The following SUCLG2 variants were observed in gnomAD, a reference collection of about 807,000 sequenced individuals.
SUCLG2 encodes succinate--CoA ligase [GDP-forming] subunit beta, mitochondrial.
SUCLG2 carries 42 observed loss-of-function variants against 47.9 expected under a neutral mutation model. The ratio of observed to expected loss-of-function variants is 0.88; its 90% CI spans 0.69 to 1.14. The LOEUF is 1.14. Among genes scored for constraint, SUCLG2 ranks in the 50% most tolerant of loss-of-function variants. SUCLG2 has a pLI of 0.00. For synonymous variants in SUCLG2, 195 were observed against 197.3 expected (o/e 0.99, Z 0.10); for missense variants, 571 against 525.9 (o/e 1.09, Z -0.84).
chr3:67,596,105 G>A (rs1708287097), intron 2 of SUCLG2, among the ~76,000 whole-genome samples: 1 of 152,204 alleles, frequency 6.6e-6, no homozygotes, highest in African/African-American at 2.4e-5. Flanking sequence ...AACTCTGGGT[G>A]GGTACCCACA....
chr3:67,384,792 ACT>A (rs1416600674), intron 10 of SUCLG2, among the ~76,000 whole-genome samples: 10 of 152,196 alleles, frequency 6.6e-5, no homozygotes, highest in African/African-American at 2.2e-4. Context: ...AGATCATAGA[ACT>A]CTTTTTCCAC....
At chr3:67,653,576 T>C (rs1315854741) in intron 1 of SUCLG2, among the ~76,000 whole-genome samples, 1 of 152,236 alleles carries the variant, frequency 6.6e-6, no homozygotes, top group Non-Finnish European at 1.5e-5. Context: ...GTATGAGTGA[T>C]AATTTGCCTC....
At position 67,475,719 on chromosome 3, in the gene SUCLG2, CTTTT is replaced by C. The variant is rs59129055; in HGVS notation, c.1062+20075_1062+20078del. ...CCCATAATTGATTTTCCTTCCCCTC[CTTTT>C]TTTTTTTTGAGAGCGAGATGGAGTT... On this transcript the variant is annotated intron_variant, in intron 9 of 10. Transcript: ENST00000307227. Among the ~76,000 whole-genome samples the C allele has an allele frequency of 1.9e-3, 283 of 146,824 alleles. 2 individuals carry two copies. Among genetic ancestry groups the C allele is most frequent in the African/African-American group, 6.7e-3 (271 of 40,380 alleles).
At chr3:67,400,657 G>A in intron 10 of SUCLG2, 74 bp downstream of exon 10, 3 of 1,573,442 alleles carry the variant, frequency 1.9e-6, no homozygotes, top group Non-Finnish European at 2.6e-6. Flanking sequence ...CAGGAAGTTT[G>A]TGAATCCAGA....
chr3:67,427,954 G>A (rs917305471), intron 9 of SUCLG2, among the ~76,000 whole-genome samples: 1 of 152,200 alleles, frequency 6.6e-6, no homozygotes, highest in South Asian at 2.1e-4. Context: ...GTAGGTAAAC[G>A]AAGCAGCCAG....
chr3:67,644,044 GA>G (rs1701149175), intron 1 of SUCLG2, among the ~76,000 whole-genome samples: 1 of 152,172 alleles, frequency 6.6e-6, no homozygotes. Flanking sequence ...ATATACAACA[GA>G]AACATTATCA....
intron 9 of SUCLG2, among the ~76,000 whole-genome samples, chr3:67,483,061 T>C (rs946224122): frequency 2.6e-5 from 4 of 152,132 alleles, no homozygotes; most frequent in Admixed American, 6.5e-5. Context: ...ATATGTGTGT[T>C]TGCAGTGCTC....
chr3:67,630,168 G>GA (rs35895962), intron 1 of SUCLG2, among the ~76,000 whole-genome samples: 28 of 149,846 alleles, frequency 1.9e-4, no homozygotes, highest in African/African-American at 2.2e-4. Context: ...AAGCAAATGT[G>GA]AAAAAAAAAA....
chr3:67,581,208 C>T lies in SUCLG2; in HGVS notation c.226+28247G>A, dbSNP rs150021009. 3.4e-3 allele frequency among the ~76,000 whole-genome samples: 519 copies of T among 152,226 alleles called. 1 individual carries two copies. Among genetic ancestry groups the T allele is most frequent in the African/African-American group, 0.012 (497 of 41,518 alleles). ...TGGTTAGCACTTTCTTTAGTCATTC[C>T]CATGGTGGTCTTTTTCTCAAGAGTA... On this transcript the variant is annotated intron_variant, in intron 2 of 10. Coordinates refer to ENST00000307227, the MANE Select transcript of SUCLG2 (RefSeq NM_003848.4).
chr3:67,449,426 C>A (rs1455819777), intron 9 of SUCLG2, among the ~76,000 whole-genome samples: 1 of 152,142 alleles, frequency 6.6e-6, no homozygotes, highest in African/African-American at 2.4e-5. Flanking sequence ...ATTCATTCTG[C>A]AGTCATACAA....
At chr3:67,637,438 T>C (rs1701028694) in intron 1 of SUCLG2, among the ~76,000 whole-genome samples, 2 of 152,178 alleles carry the variant, frequency 1.3e-5, no homozygotes, top group Non-Finnish European at 2.9e-5. Flanking sequence ...GAAAGTACAG[T>C]CTGTCTCAGG....
chr3:67,525,990 G>T (rs1418931856), intron 4 of SUCLG2, among the ~76,000 whole-genome samples: 2 of 152,184 alleles, frequency 1.3e-5, no homozygotes, highest in African/African-American at 4.8e-5. Context: ...TCATGCTGCT[G>T]TTACAAAATA....
At chr3:67,605,872 C>T (rs1318050133) in intron 2 of SUCLG2, among the ~76,000 whole-genome samples, 1 of 152,022 alleles carries the variant, frequency 6.6e-6, no homozygotes, top group African/African-American at 2.4e-5. Flanking sequence ...CCCAGCCCAA[C>T]ACGTCAATGC....
At chr3:67,362,406 C>A (rs1255925596) in intron 10 of SUCLG2, among the ~76,000 whole-genome samples, 7 of 152,184 alleles carry the variant, frequency 4.6e-5, no homozygotes, top group Admixed American at 6.5e-5. Flanking sequence ...TCCTTCCAAT[C>A]CAGAGTAAGT....
intron 3 of SUCLG2, 95 bp from the exon 4 acceptor site, chr3:67,528,317 G>T: frequency 9.0e-7 from 1 of 1,111,118 alleles, no homozygotes; most frequent in Non-Finnish European, 1.3e-6. Flanking sequence ...CACTGCAAAG[G>T]GTTCACCTTC....
At chr3:67,505,995 A>G (rs1369632259) in intron 7 of SUCLG2, among the ~76,000 whole-genome samples, 2 of 151,782 alleles carry the variant, frequency 1.3e-5, no homozygotes, top group Non-Finnish European at 2.9e-5. Context: ...AGAAAAAGAA[A>G]CAACAACAAC....
At chr3:67,615,758 G>C (rs1263152926) in intron 1 of SUCLG2, among the ~76,000 whole-genome samples, 3 of 152,062 alleles carry the variant, frequency 2.0e-5, no homozygotes, top group Non-Finnish European at 2.9e-5. Flanking sequence ...ATTTGACAGT[G>C]TTTATGAAAA....
chr3:67,471,863 T>C (rs1704614144), intron 9 of SUCLG2, among the ~76,000 whole-genome samples: 1 of 152,156 alleles, frequency 6.6e-6, no homozygotes, highest in Admixed American at 6.5e-5. Context: ...CTCATCCTTG[T>C]AGTAGTTTCG....
intron 4 of SUCLG2, among the ~76,000 whole-genome samples, chr3:67,523,152 A>G (rs913952047): frequency 1.3e-5 from 2 of 152,170 alleles, no homozygotes; most frequent in African/African-American, 4.8e-5. Flanking sequence ...ATTAAGTAGC[A>G]TTAGATTTTA....
Sources: allele counts gnomAD v4.1 joint callset (sites outside exome capture counted in the v4.1 genomes callset), GRCh38; gene constraint gnomAD v4.1.1; transcripts MANE v1.5; gene names NCBI Gene and HGNC (gene_info 2026-07-23, HGNC 2026-07-21).